Variants in FAM184B observed in about 807,000 individuals in gnomAD.
The protein encoded by FAM184B is family with sequence similarity 184 member B.
Under a neutral mutation model 135.9 loss-of-function variants are expected in FAM184B, and 111 were observed. That is an observed-to-expected ratio of 0.82 (90% CI 0.70 to 0.96). The LOEUF (loss-of-function observed/expected upper bound fraction) is 0.96. FAM184B is among the 40% of genes least tolerant of loss of function. FAM184B has a pLI of 0.00. For missense variants in FAM184B, 1,375 were observed against 1,323.9 expected (o/e 1.04, Z -0.60); for synonymous variants, 552 against 524.8 (o/e 1.05, Z -0.71).
At chr4:17,733,590 G>T (rs925535351) in intron 1 of FAM184B, among the ~76,000 whole-genome samples, 1 of 152,096 alleles carries the variant, frequency 6.6e-6, no homozygotes, top group African/African-American at 2.4e-5. Flanking sequence ...TTGCTTCAAA[G>T]AGAATAAAAT....
chr4:17,664,362 T>A (rs1005272592), intron 8 of FAM184B, among the ~76,000 whole-genome samples, 200 bp downstream of exon 8: 2 of 152,204 alleles, frequency 1.3e-5, no homozygotes, highest in Non-Finnish European at 2.9e-5. Flanking sequence ...TTCTCTGGGT[T>A]GTTGTAACAA....
rs1287815062 is a variant in FAM184B at position 17,642,166 on chromosome 4, C to G, written c.2409G>C (p.Glu803Asp). Reference protein sequence around the residue: ...PPGAAGQGSGEGCGLWEENAQ... With the variant: ...PPGAAGQGSGDGCGLWEENAQ... Reference sequence around the variant, plus strand: ...CGTTCTCCTCCCAGAGCCCGCATCCCTCGCCGGAACCCTGCCCAGCAGCGC... The same window carrying G: ...CGTTCTCCTCCCAGAGCCCGCATCCGTCGCCGGAACCCTGCCCAGCAGCGC... The change falls in exon 13 of 18, where the codon GAG becomes GAC. Residue 803 changes from glutamate (E) to aspartate (D), a missense_variant. Physicochemically the swap from Glu to Asp is conservative, Grantham distance 45 (BLOSUM62 2). Coordinates refer to ENST00000265018, the MANE Select transcript of FAM184B (RefSeq NM_015688.2). 1 of 1,532,836 alleles carries G rather than the reference C, an allele frequency of 6.5e-7. No individual in the cohort carries two copies. The highest frequency in any genetic ancestry group is 2.5e-5 in the East Asian group (1 of 40,676). 95.0% of individuals were successfully genotyped at this position (1,532,836 alleles called of 1,614,324 possible).
intron 1 of FAM184B, among the ~76,000 whole-genome samples, chr4:17,778,727 G>A (rs1718978011): frequency 6.6e-6 from 1 of 151,904 alleles, no homozygotes; most frequent in Non-Finnish European, 1.5e-5. Context: ...TGGGGGTGGT[G>A]GTGTGGACCT....
At chr4:17,760,866 A>G (rs1270066012) in intron 1 of FAM184B, among the ~76,000 whole-genome samples, 2 of 152,234 alleles carry the variant, frequency 1.3e-5, no homozygotes, top group Non-Finnish European at 2.9e-5. Flanking sequence ...TTTTCAGTTG[A>G]GTCGTGCTGT....
chr4:17,719,288 T>C (rs1300218833), intron 1 of FAM184B, among the ~76,000 whole-genome samples: 1 of 152,166 alleles, frequency 6.6e-6, no homozygotes, highest in Non-Finnish European at 1.5e-5. Context: ...AGGTAGGGAC[T>C]ACAGCGCCGA....
chr4:17,668,592 G>A (rs1489436901), intron 7 of FAM184B, among the ~76,000 whole-genome samples: 1 of 152,164 alleles, frequency 6.6e-6, no homozygotes, highest in Non-Finnish European at 1.5e-5. Flanking sequence ...GAGTGCAGTG[G>A]TGTGATCTAG....
chr4:17,693,519 T>C (rs1298385930), intron 5 of FAM184B, 107 bp from the exon 6 acceptor site: 6 of 790,540 alleles, frequency 7.6e-6, no homozygotes, highest in Non-Finnish European at 1.0e-5. Context: ...ATGAGTGTCA[T>C]ACAACACTGC....
In FAM184B at chr4:17,647,633, T is replaced by C. The variant is rs1715505331; in HGVS notation, c.2346+4A>G. On this transcript the variant is annotated splice_donor_region_variant and intron_variant, in intron 12 of 17. Coordinates refer to ENST00000265018, the MANE Select transcript of FAM184B (RefSeq NM_015688.2). ...ATTGCTGGTGCAAGGGCGGGGGCAC[T>C]GACCTCTGTGGCGATTATGTGATCC... The C allele has an allele frequency of 4.5e-6, 7 of 1,547,932 alleles. No homozygotes were observed. In the Admixed American group the frequency reaches 1.4e-4, roughly 30 times the overall value.
At chr4:17,711,740 C>T (rs575978547) in intron 1 of FAM184B, among the ~76,000 whole-genome samples, 1 of 152,166 alleles carries the variant, frequency 6.6e-6, no homozygotes, top group Admixed American at 6.5e-5. Context: ...AGAAGGGTAC[C>T]ACAGAGATTG....
chr4:17,707,709 T>C lies in FAM184B; in HGVS notation c.970A>G (p.Lys324Glu). ...LKGTAKKLGE[K>E]LAVAKDRMML... ...ATTCTGTCTTTGGCAACAGCCAGCTTCTCCCCAAGTTTTTTTGCAGTGCCT... is the reference window on the plus strand; with the variant it reads ...ATTCTGTCTTTGGCAACAGCCAGCTCCTCCCCAAGTTTTTTTGCAGTGCCT... Residue 324 changes from lysine (K) to glutamate (E), a missense_variant, in exon 3 of 18, where the codon AAG becomes GAG. Physicochemically the swap from Lys to Glu is moderately conservative, Grantham distance 56. Transcript: ENST00000265018. 6.4e-7 allele frequency: 1 copy of C among 1,551,836 alleles called. No individual in the cohort carries two copies. The highest frequency in any genetic ancestry group is 8.7e-7 in the Non-Finnish European group (1 of 1,147,028).
intron 8 of FAM184B, among the ~76,000 whole-genome samples, chr4:17,662,450 G>C (rs774864332): frequency 6.6e-6 from 1 of 151,920 alleles, no homozygotes; most frequent in Non-Finnish European, 1.5e-5. Context: ...TGATTGTCCC[G>C]CCTCAGCCTC....
intron 1 of FAM184B, among the ~76,000 whole-genome samples, chr4:17,766,950 C>CCG (rs931523614): frequency 2.6e-5 from 4 of 152,180 alleles, no homozygotes; most frequent in Non-Finnish European, 4.4e-5. Context: ...GAGCCCTGCC[C>CCG]CGCGGGGAGG....
At chr4:17,634,581 C>T (rs1213656006) in intron 16 of FAM184B, among the ~76,000 whole-genome samples, 2 of 152,186 alleles carry the variant, frequency 1.3e-5, no homozygotes, top group Admixed American at 6.5e-5. Context: ...ACCTCGGCCT[C>T]CCAAAGTGCT....
intron 17 of FAM184B, 175 bp from the exon 18 acceptor site, chr4:17,632,800 G>A: frequency 1.9e-6 from 1 of 528,938 alleles, no homozygotes; most frequent in Non-Finnish European, 3.4e-6. Context: ...GCTGGGGAGG[G>A]AGTACCTAAT....
chr4:17,659,876 G>T lies in FAM184B; in HGVS notation c.1824+82C>A, dbSNP rs1487471730. On this transcript the variant is annotated intron_variant, in intron 9 of 17. Transcript: ENST00000265018. The stretch of plus-strand genomic sequence containing the variant: ...CCTTCCCAGCTTGGATGTGAATCAG[G>T]CCCTGCATGCATTTCCAAGTTTGTA... 23 of 1,506,752 alleles carry T rather than the reference G, an allele frequency of 1.5e-5. No homozygotes were observed. In the Admixed American group the frequency reaches 4.5e-4, roughly 29 times the overall value. 93.3% of individuals were successfully genotyped at this position (1,506,752 alleles called of 1,614,324 possible).
intron 10 of FAM184B, among the ~76,000 whole-genome samples, chr4:17,654,486 C>T (rs903262049): frequency 6.6e-6 from 1 of 152,172 alleles, no homozygotes; most frequent in African/African-American, 2.4e-5. Flanking sequence ...CCCCAGCACC[C>T]GCCCCTGCTG....
chr4:17,707,914 A>G, intron 2 of FAM184B, 130 bp from the exon 3 acceptor site: 1 of 1,006,016 alleles, frequency 9.9e-7, no homozygotes, highest in Non-Finnish European at 1.4e-6. Context: ...AGTGGAATTC[A>G]GTGGCCCAGG....
intron 11 of FAM184B, among the ~76,000 whole-genome samples, chr4:17,651,255 T>C (rs1354684857): frequency 1.3e-5 from 2 of 151,924 alleles, no homozygotes; most frequent in African/African-American, 4.8e-5. Flanking sequence ...TATTCAGTCA[T>C]GGCCGGGCGC....
intron 8 of FAM184B, among the ~76,000 whole-genome samples, chr4:17,662,290 C>T (rs562761883): frequency 6.6e-6 from 1 of 152,212 alleles, no homozygotes; most frequent in Non-Finnish European, 1.5e-5. Flanking sequence ...CTATTATAAA[C>T]AAAGCTGCTA....
Sources: gnomAD v4.1 joint callset for allele counts (sites outside exome capture counted in the v4.1 genomes callset) on GRCh38, gnomAD v4.1.1 for gene constraint, MANE v1.5 for transcripts, NCBI Gene and HGNC (gene_info 2026-07-23, HGNC 2026-07-21) for gene names.